The following SAFB variants were observed in gnomAD, a reference collection of about 807,000 sequenced individuals.
SAFB encodes scaffold attachment factor B1.
A neutral mutation model predicts 101.6 loss-of-function variants in SAFB; 15 were observed. The observed-to-expected ratio is 0.15, with a 90% CI of 0.10 to 0.23. The LOEUF (loss-of-function observed/expected upper bound fraction) is 0.23, where lower values mean the gene tolerates loss of function less well. Ranked by LOEUF, SAFB falls within the 10% of genes least tolerant of loss-of-function variation. SAFB has a pLI of 1.00. For synonymous variants in SAFB, 449 were observed against 407.5 expected, an observed-to-expected ratio of 1.10 and a Z score of -1.23; for missense variants, 930 against 1,104.1, an observed-to-expected ratio of 0.84 and a Z score of 2.23.
At chr19:5,654,786 C>T (rs2054017099) in intron 13 of SAFB, among the ~76,000 whole-genome samples, 1 of 152,158 alleles carries the variant, frequency 6.6e-6, no homozygotes, top group Non-Finnish European at 1.5e-5. Flanking sequence ...AGGCTGGCCT[C>T]GAACTCCTCA....
intron 13 of SAFB, among the ~76,000 whole-genome samples, chr19:5,655,459 C>CAAAAAAA (rs56999816): frequency 1.8e-5 from 1 of 55,172 alleles, no homozygotes. Flanking sequence ...GACCCCATCT[C>CAAAAAAA]AAAAAAAAAA....
intron 3 of SAFB, 34 bp from the exon 4 acceptor site, chr19:5,641,706 G>A (rs536870574): frequency 1.2e-5 from 19 of 1,612,884 alleles, no homozygotes; most frequent in East Asian, 2.2e-5. Flanking sequence ...GACCAGTGGC[G>A]GTCACATGAT....
At chr19:5,660,544 A>G (rs1488312482) in intron 14 of SAFB, among the ~76,000 whole-genome samples, 1 of 151,396 alleles carries the variant, frequency 6.6e-6, no homozygotes, top group Non-Finnish European at 1.5e-5. Flanking sequence ...TATATTGTCC[A>G]GGCTGTATAT....
intron 1 of SAFB, among the ~76,000 whole-genome samples, chr19:5,623,701 G>A (rs1191620898): frequency 6.6e-6 from 1 of 152,032 alleles, no homozygotes; most frequent in Non-Finnish European, 1.5e-5. Context: ...CCCCTCCTCC[G>A]TACCTGGAGG....
intron 15 of SAFB, 97 bp downstream of exon 15, chr19:5,661,905 G>A (rs991722874): frequency 7.8e-5 from 66 of 850,636 alleles, no homozygotes; most frequent in Non-Finnish European, 8.8e-5. Context: ...TTTTTTTTGA[G>A]ACGGAGTCTT....
intron 2 of SAFB, among the ~76,000 whole-genome samples, chr19:5,631,167 G>A (rs554938933): frequency 1.4e-4 from 21 of 152,294 alleles, no homozygotes; most frequent in Non-Finnish European, 2.9e-4. Flanking sequence ...TCCAGCCTGG[G>A]CAACAGTGCA....
At chr19:5,666,384 A>G (rs1336011604) in intron 17 of SAFB, 1 of 153,400 alleles carries the variant, frequency 6.5e-6, no homozygotes, top group Non-Finnish European at 1.5e-5. Flanking sequence ...TACAAAAACA[A>G]TGACACAGAA....
chr19:5,635,282 G>C (rs1414187014), intron 2 of SAFB, among the ~76,000 whole-genome samples: 1 of 152,126 alleles, frequency 6.6e-6, no homozygotes, highest in Non-Finnish European at 1.5e-5. Context: ...TGGAGTCAAA[G>C]ATGGAGGTGG....
At chr19:5,654,929 T>A (rs2054020436) in intron 13 of SAFB, among the ~76,000 whole-genome samples, 2 of 152,224 alleles carry the variant, frequency 1.3e-5, no homozygotes, top group African/African-American at 4.8e-5. Flanking sequence ...CTGATAACTG[T>A]TAACTTATTT....
intron 14 of SAFB, among the ~76,000 whole-genome samples, chr19:5,658,734 T>G (rs1272822729): frequency 2.0e-5 from 3 of 151,634 alleles, no homozygotes; most frequent in African/African-American, 7.3e-5. Context: ...TCCCAGCTAC[T>G]CGGTAGGCTG....
At chr19:5,660,904 ACACT>A (rs1430566838) in intron 14 of SAFB, among the ~76,000 whole-genome samples, 2 of 139,486 alleles carry the variant, frequency 1.4e-5, no homozygotes, top group African/African-American at 2.7e-5. Flanking sequence ...GTTCCAATTC[ACACT>A]CACTCGCTAT....
intron 2 of SAFB, among the ~76,000 whole-genome samples, chr19:5,630,369 A>G (rs2053462917): frequency 1.3e-5 from 2 of 152,196 alleles, no homozygotes; most frequent in South Asian, 4.1e-4. Flanking sequence ...TATTGTTTTA[A>G]TCTGTCATTC....
chr19:5,662,555 A>G (rs1235063037), intron 15 of SAFB, among the ~76,000 whole-genome samples: 2 of 151,864 alleles, frequency 1.3e-5, no homozygotes, highest in East Asian at 3.9e-4. Context: ...AACCAGGTTC[A>G]AGGGTGGCAC....
At chr19:5,651,143 C>A in intron 9 of SAFB, 71 bp downstream of exon 9, 1 of 941,706 alleles carries the variant, frequency 1.1e-6, no homozygotes. Flanking sequence ...TGGAGGTCCT[C>A]TCCCCTCAGT....
intron 14 of SAFB, among the ~76,000 whole-genome samples, chr19:5,659,164 G>A (rs190305479): frequency 1.3e-5 from 2 of 151,614 alleles, no homozygotes; most frequent in African/African-American, 4.8e-5. Flanking sequence ...AATCAGCTGG[G>A]CGTGGTAGTG....
Position 5,646,453 on chromosome 19 carries a change from C to T in SAFB, c.609+1054C>T, listed in dbSNP as rs186218683. Among the ~76,000 whole-genome samples the T allele has an allele frequency of 3.5e-4, 53 of 152,300 alleles. No homozygotes were observed. The East Asian group carries it at 6.4e-3, about 18-fold the overall frequency. ...CGGATCTTGTCACTTTCCCCTGGCT[C>T]TTTCTTGGTCACAGTCTCCCATGTT... is the stretch of plus-strand genomic sequence containing the variant. On this transcript the variant is annotated intron_variant, in intron 5 of 20. Coordinates refer to ENST00000588852, the MANE Select transcript of SAFB (RefSeq NM_001201338.2).
chr19:5,649,955 G>C lies in SAFB; in HGVS notation c.1178G>C (p.Arg393Thr), dbSNP rs888094168. The change falls in exon 8 of 21, where the codon AGG (arginine) becomes ACG (threonine). Residue 393 changes from arginine to threonine, a missense_variant. This residue lies in a region of SAFB where 68 missense variants were observed against 122.1 expected (regional missense o/e 0.56). Transcript: ENST00000588852. ...SSPEDDSDTK[R>T]LSKEEKGRSS... is the part of the protein sequence containing the mutation. ...CCCGAAGATGACTCGGATACAAAAA[G>C]GCTTTCCAAAGAGGAAAAGGGTAGG... 4 of 1,614,046 alleles carry C rather than the reference G, an allele frequency of 2.5e-6. No individual in the cohort carries two copies. Among genetic ancestry groups the C allele is most frequent in the Non-Finnish European group, 3.4e-6 (4 of 1,179,926 alleles).
intron 2 of SAFB, among the ~76,000 whole-genome samples, chr19:5,636,744 CTG>C (rs1425400452): frequency 1.3e-5 from 2 of 151,882 alleles, no homozygotes. Context: ...GGGTCTGACT[CTG>C]TCACCCAGGC....
intron 2 of SAFB, 125 bp from the exon 3 acceptor site, chr19:5,641,469 G>A: frequency 1.3e-6 from 1 of 743,990 alleles, no homozygotes; most frequent in East Asian, 2.7e-5. Context: ...GGATTAGGAA[G>A]TGTTCCTAAG....
Sources: gnomAD v4.1 joint callset for allele counts (sites outside exome capture counted in the v4.1 genomes callset) on GRCh38, gnomAD v4.1.1 for gene constraint, gnomAD v4.1.1 regional missense constraint, MANE v1.5 for transcripts, NCBI Gene and HGNC (gene_info 2026-07-23, HGNC 2026-07-21) for gene names.